The following NAE1 variants were observed in gnomAD, a reference collection of about 807,000 sequenced individuals.
NAE1 encodes NEDD8 activating enzyme E1 subunit 1.
NAE1 carries 59 observed loss-of-function variants against 88.0 expected under a neutral mutation model. The ratio of observed to expected loss-of-function variants is 0.67; its 90% CI spans 0.54 to 0.83. The LOEUF (loss-of-function observed/expected upper bound fraction) is 0.83, where lower values mean the gene tolerates loss of function less well. Ranked by LOEUF, NAE1 falls within the 40% of genes least tolerant of loss-of-function variation. The probability of loss-of-function intolerance (pLI) is 0.00; values close to 1 mark genes in which losing one functional copy is unlikely to be tolerated. For missense variants in NAE1, 554 were observed against 632.8 expected, an observed-to-expected ratio of 0.88 and a Z score of 1.34; for synonymous variants, 186 against 208.9, an observed-to-expected ratio of 0.89 and a Z score of 0.95.
Position 66,803,122 on chromosome 16 carries a change from A to C in NAE1, c.1496-4T>G. ...ATGACCTCTTGAGCAGCAGCTCCTG[A>C]AAGGAAAAAGGAGAAAAGCAAATCT... On this transcript the variant is annotated splice_region_variant and splice_polypyrimidine_tract_variant and intron_variant, in intron 19 of 19. Transcript: ENST00000290810. The C allele has an allele frequency of 6.4e-7, 1 of 1,565,256 alleles. No individual in the cohort carries two copies. Among genetic ancestry groups the C allele is most frequent in the Non-Finnish European group, 8.8e-7 (1 of 1,137,898 alleles).
intron 1 of NAE1, among the ~76,000 whole-genome samples, chr16:66,829,131 T>C (rs759090476): frequency 7.2e-5 from 11 of 152,222 alleles, no homozygotes; most frequent in Non-Finnish European, 1.6e-4. Flanking sequence ...GCATTTTGCT[T>C]CTAACTGCTT....
At chr16:66,810,862 A>C in intron 13 of NAE1, 90 bp from the exon 14 acceptor site, 3 of 1,126,604 alleles carry the variant, frequency 2.7e-6, no homozygotes, top group Non-Finnish European at 4.0e-6. Context: ...TTTCCTTTTC[A>C]TGAAAAAACA....
chr16:66,824,257 T>C (rs1350311150), intron 4 of NAE1, among the ~76,000 whole-genome samples: 2 of 152,200 alleles, frequency 1.3e-5, no homozygotes, highest in Non-Finnish European at 2.9e-5. Flanking sequence ...GGTTAATCAC[T>C]AAGCTAAAAG....
chr16:66,821,564 T>TA lies in NAE1; in HGVS notation c.402-6_402-5insT, dbSNP rs1448813453. The TA allele has an allele frequency of 7.1e-6, 11 of 1,555,924 alleles. No individual in the cohort carries two copies. The highest frequency in any genetic ancestry group is 2.4e-5 in the South Asian group (2 of 82,188). ...TCTGCTAAGCGTAGTGAAGTGCTGT[T>TA]TAAAAAAAAAAAGCAAAATATGAAC... is the stretch of plus-strand genomic sequence containing the variant. On this transcript the variant is annotated splice_region_variant and splice_polypyrimidine_tract_variant and intron_variant, in intron 6 of 19. Transcript: ENST00000290810.
At chr16:66,815,624 G>A (rs1443994780) in intron 11 of NAE1, among the ~76,000 whole-genome samples, 3 of 151,406 alleles carry the variant, frequency 2.0e-5, no homozygotes, top group Non-Finnish European at 4.4e-5. Flanking sequence ...AAAGTGTTGG[G>A]ATTACAGGTG....
intron 17 of NAE1, 110 bp from the exon 18 acceptor site, chr16:66,806,136 A>C: frequency 7.9e-7 from 1 of 1,265,048 alleles, no homozygotes; most frequent in Non-Finnish European, 1.1e-6. Flanking sequence ...TATGAAACTG[A>C]AGAACAAAAA....
At chr16:66,826,283 TAAC>T in intron 3 of NAE1, 1 of 503,356 alleles carries the variant, frequency 2.0e-6, no homozygotes, top group Non-Finnish European at 3.6e-6. Context: ...AATAAAGGAA[TAAC>T]GACTACTCCT....
intron 1 of NAE1, among the ~76,000 whole-genome samples, chr16:66,827,281 TAGATGTGCCAGGTGC>T (rs1960496836): frequency 6.6e-6 from 1 of 151,884 alleles, no homozygotes; most frequent in Non-Finnish European, 1.5e-5. Context: ...TAAATTATGT[TAGATGTGCCAGGTGC>T]AGTGGCTCAC....
At chr16:66,818,775 A>T in intron 7 of NAE1, 138 bp from the exon 8 acceptor site, 1 of 1,190,768 alleles carries the variant, frequency 8.4e-7, no homozygotes. Context: ...GGCTGAAGGG[A>T]TCCTCCCACC....
In NAE1 at chr16:66,806,014, T is replaced by C. The variant is rs369574864; in HGVS notation, c.1343A>G (p.Tyr448Cys). 2.5e-6 allele frequency: 4 copies of C among 1,609,584 alleles called. No homozygotes were observed. Among genetic ancestry groups the C allele is most frequent in the East Asian group, 2.2e-5 (1 of 44,790 alleles). The change falls in exon 18 of 20, where the codon TAT (tyrosine) becomes TGT (cysteine). Residue 448 changes from tyrosine (Y) to cysteine (C), a missense_variant. Physicochemically the swap from Tyr to Cys is radical, Grantham distance 194. Transcript: ENST00000290810. Reference sequence around the variant, plus strand: ...CTTTCCTATATCTTCTTCAACTTGATAGTTAGATACTCCTAAAAATAAAAG... The same window carrying C: ...CTTTCCTATATCTTCTTCAACTTGACAGTTAGATACTCCTAAAAATAAAAG... ...QQGRYPGVSNYQVEEDIGKLK... is the reference protein window; with the variant it reads ...QQGRYPGVSNCQVEEDIGKLK...
intron 15 of NAE1, among the ~76,000 whole-genome samples, chr16:66,809,850 TG>T (rs1959714934): frequency 6.6e-6 from 1 of 152,090 alleles, no homozygotes. Flanking sequence ...CACAACAGAT[TG>T]GGTATTTTGA....
In NAE1 at chr16:66,823,439, C is replaced by CA. The variant is rs780344353; in HGVS notation, c.321+89dup. ...CCAATTCAACTAATCATAAATGACA[C>CA]AAAGATTCAAAATTCTAAATTTCTG... On this transcript the variant is annotated intron_variant, in intron 5 of 19. Transcript: ENST00000290810. The CA allele has an allele frequency of 1.9e-5, 26 of 1,359,734 alleles. No individual in the cohort carries two copies. The South Asian group carries it at 3.4e-4, about 18-fold the overall frequency. The allele number at this position is 1,359,734 out of a possible 1,614,324, so 84.2% of individuals were successfully genotyped here.
Position 66,830,963 on chromosome 16 carries a change from CGCGCAG to C in NAE1, c.-70_-65del. 2.1e-6 allele frequency: 3 copies of C among 1,428,496 alleles called. No homozygotes were observed. The highest frequency in any genetic ancestry group is 9.2e-7 in the Non-Finnish European group (1 of 1,085,878). 88.5% of individuals were successfully genotyped at this position (1,428,496 alleles called of 1,614,324 possible). A position where few individuals can be genotyped will look rare whatever the true frequency, so the allele number is the denominator to read the frequency against. ...GGAGCGCCGCCACCAGCTCCACAAGCGCGCAGGCGCACTGAGCGCCCCTTCGCCGCT... is the reference window on the plus strand; with the variant it reads ...GGAGCGCCGCCACCAGCTCCACAAGCGCGCACTGAGCGCCCCTTCGCCGCT... On this transcript the variant is annotated 5_prime_UTR_variant, in exon 1 of 20. Coordinates refer to ENST00000290810, the MANE Select transcript of NAE1 (RefSeq NM_003905.4).
intron 15 of NAE1, 150 bp downstream of exon 15, chr16:66,810,224 G>GAA: frequency 2.0e-4 from 116 of 573,082 alleles, no homozygotes; most frequent in South Asian, 1.4e-3. Context: ...ATTATGAGAG[G>GAA]AAAAAAAAAA....
At chr16:66,803,570 C>T (rs1959439890) in intron 19 of NAE1, among the ~76,000 whole-genome samples, 1 of 151,708 alleles carries the variant, frequency 6.6e-6, no homozygotes, top group Non-Finnish European at 1.5e-5. Context: ...TCCTCTTTCC[C>T]AAATATTCAT....
At position 66,810,356 on chromosome 16, in the gene NAE1, T is replaced by G; in HGVS notation, c.1150+18A>C. 1 of 1,574,998 alleles carries G rather than the reference T, an allele frequency of 6.3e-7. No individual in the cohort carries two copies. The highest frequency in any genetic ancestry group is 8.7e-7 in the Non-Finnish European group (1 of 1,147,110). ...TTTCTATCAAGCAAAATAAGGAAAT[T>G]AATTCAAGGGGACTTACAGAGTAAT... is the stretch of plus-strand genomic sequence containing the variant. On this transcript the variant is annotated intron_variant, in intron 15 of 19. Transcript: ENST00000290810.
chr16:66,808,042 C>T (rs1466364429), intron 17 of NAE1, among the ~76,000 whole-genome samples: 1 of 152,066 alleles, frequency 6.6e-6, no homozygotes, highest in Non-Finnish European at 1.5e-5. Flanking sequence ...AAGTGCACAC[C>T]ACCATGTCTG....
At chr16:66,829,893 G>C (rs1364727348) in intron 1 of NAE1, among the ~76,000 whole-genome samples, 1 of 152,080 alleles carries the variant, frequency 6.6e-6, no homozygotes, top group African/African-American at 2.4e-5. Flanking sequence ...GATAGTTTTG[G>C]GGGGGCTTTT....
At chr16:66,803,147 T>C in intron 19 of NAE1, 29 bp from the exon 20 acceptor site, 2 of 1,416,162 alleles carry the variant, frequency 1.4e-6, no homozygotes, top group Non-Finnish European at 2.0e-6. Flanking sequence ...AAAGCAAATC[T>C]TTGAAAGAGT....
Sources: allele counts gnomAD v4.1 joint callset (sites outside exome capture counted in the v4.1 genomes callset), GRCh38; gene constraint gnomAD v4.1.1; transcripts MANE v1.5; gene names NCBI Gene and HGNC (gene_info 2026-07-23, HGNC 2026-07-21).